The following VAV3 variants were observed in gnomAD, a reference collection of about 807,000 sequenced individuals.
The protein encoded by VAV3 is guanine nucleotide exchange factor VAV3.
In VAV3, 94 loss-of-function variants were observed where a neutral mutation model predicts 131.2. The ratio of observed to expected loss-of-function variants is 0.72; its 90% CI spans 0.61 to 0.85. VAV3 has a LOEUF of 0.85. Among genes scored for constraint, VAV3 ranks in the 40% least tolerant of loss-of-function variants. VAV3 has a pLI of 0.00. For synonymous variants in VAV3, 349 were observed against 342.0 expected, an observed-to-expected ratio of 1.02 and a Z score of -0.22; for missense variants, 939 against 1,002.7, an observed-to-expected ratio of 0.94 and a Z score of 0.86.
intron 1 of VAV3, among the ~76,000 whole-genome samples, chr1:107,932,757 A>C (rs1057158572): frequency 3.9e-5 from 6 of 152,212 alleles, no homozygotes; most frequent in Non-Finnish European, 8.8e-5. Flanking sequence ...GTTGTGATGG[A>C]AACAGACATT....
At chr1:107,615,282 G>A (rs1445826220) in intron 21 of VAV3, among the ~76,000 whole-genome samples, 3 of 152,272 alleles carry the variant, frequency 2.0e-5, no homozygotes, top group African/African-American at 7.2e-5. Context: ...CATGGATGGA[G>A]CTGCAGGCCA....
At chr1:107,886,112 A>G (rs1252021557) in intron 1 of VAV3, among the ~76,000 whole-genome samples, 1 of 152,244 alleles carries the variant, frequency 6.6e-6, no homozygotes, top group Non-Finnish European at 1.5e-5. Flanking sequence ...CAGGAATTCA[A>G]CTGGAAGTCA....
intron 1 of VAV3, among the ~76,000 whole-genome samples, chr1:107,893,022 C>T (rs1424898005): frequency 6.9e-6 from 1 of 145,028 alleles, no homozygotes; most frequent in Non-Finnish European, 1.5e-5. Flanking sequence ...AAGAGGTCAA[C>T]TAAAATCAGA....
chr1:107,904,154 T>C (rs1386279714), intron 1 of VAV3, among the ~76,000 whole-genome samples: 1 of 152,180 alleles, frequency 6.6e-6, no homozygotes, highest in East Asian at 1.9e-4. Flanking sequence ...GGCCACTACG[T>C]AGACACTGGC....
At chr1:107,871,877 T>C (rs1349608543) in intron 2 of VAV3, among the ~76,000 whole-genome samples, 2 of 152,126 alleles carry the variant, frequency 1.3e-5, no homozygotes, top group Non-Finnish European at 2.9e-5. Context: ...TGACTGCATG[T>C]GTACAATCAG....
At position 107,765,174 on chromosome 1, in the gene VAV3, A is replaced by G. The variant is rs898522184; in HGVS notation, c.823T>C (p.Leu275=). 4 of 1,610,332 alleles carry G rather than the reference A, an allele frequency of 2.5e-6. No individual in the cohort carries two copies. The highest frequency in any genetic ancestry group is 3.4e-6 in the Non-Finnish European group (4 of 1,177,236). Residue 275 remains leucine, a splice_region_variant and synonymous_variant, in exon 9 of 27, where the codon TTG becomes CTG. Transcript: ENST00000370056. ...CTGCAGTACTGCCCGTAAATAACCAATCTGAAAGGGAAAAAAGACAAGAAA... is the reference window on the plus strand; with the variant it reads ...CTGCAGTACTGCCCGTAAATAACCAGTCTGAAAGGGAAAAAAGACAAGAAA... The part of the protein sequence containing the change: ...YQVFINYKER[L]VIYGQYCSGV...
chr1:107,942,133 T>G (rs549095926), intron 1 of VAV3, among the ~76,000 whole-genome samples: 1 of 152,194 alleles, frequency 6.6e-6, no homozygotes, highest in Non-Finnish European at 1.5e-5. Context: ...AATTCTTCAG[T>G]ATGTTATGCT....
At chr1:107,922,825 G>A (rs1307114152) in intron 1 of VAV3, among the ~76,000 whole-genome samples, 18 of 151,922 alleles carry the variant, frequency 1.2e-4, no homozygotes, top group East Asian at 1.9e-4. Context: ...GGTGGCGGGC[G>A]CCTGTAGTCC....
chr1:107,809,697 A>G (rs74641750), intron 2 of VAV3, among the ~76,000 whole-genome samples: 1,765 of 152,352 alleles, frequency 0.012, 32 homozygotes, highest in African/African-American at 0.038. Flanking sequence ...CAAAGGCACT[A>G]CACTGTGCAA....
At chr1:107,621,951 C>A (rs1041365369) in intron 20 of VAV3, among the ~76,000 whole-genome samples, 2 of 152,036 alleles carry the variant, frequency 1.3e-5, no homozygotes, top group South Asian at 4.1e-4. Context: ...AAAATACATT[C>A]TTTGGAAAGC....
intron 20 of VAV3, among the ~76,000 whole-genome samples, chr1:107,627,130 T>C (rs962440674): frequency 6.6e-6 from 1 of 151,998 alleles, no homozygotes; most frequent in African/African-American, 2.4e-5. Context: ...GCTCAGAGGG[T>C]TTCTGGGTTG....
intron 20 of VAV3, among the ~76,000 whole-genome samples, chr1:107,636,617 T>C (rs1265950758): frequency 6.6e-6 from 1 of 152,182 alleles, no homozygotes; most frequent in Non-Finnish European, 1.5e-5. Context: ...AATAAAATAT[T>C]GAAAACTGAT....
chr1:107,758,664 G>A (rs746702873), intron 10 of VAV3, among the ~76,000 whole-genome samples: 38 of 152,026 alleles, frequency 2.5e-4, no homozygotes, highest in Non-Finnish European at 4.7e-4. Flanking sequence ...TTGTCATCAG[G>A]GGTAGGTTTC....
chr1:107,770,770 A>ATTT, intron 5 of VAV3, 42 bp from the exon 6 acceptor site: 1 of 1,501,490 alleles, frequency 6.7e-7, no homozygotes. Flanking sequence ...TAATAAAATC[A>ATTT]TATATTAACC....
intron 12 of VAV3, among the ~76,000 whole-genome samples, chr1:107,753,713 C>A (rs1240507770): frequency 1.3e-5 from 2 of 151,466 alleles, no homozygotes. Context: ...GCACGTGCCA[C>A]CATGCCTGGC....
intron 25 of VAV3, among the ~76,000 whole-genome samples, chr1:107,588,466 A>AAGTGGTAGCAGGAGCAGCAGT (rs1650679806): frequency 6.6e-6 from 1 of 152,216 alleles, no homozygotes. Flanking sequence ...CCAGTATTGG[A>AAGTGGTAGCAGGAGCAGCAGT]AGTGGTAGCA....
chr1:107,657,703 T>C (rs1018480621), intron 19 of VAV3, among the ~76,000 whole-genome samples: 7 of 152,158 alleles, frequency 4.6e-5, no homozygotes, highest in African/African-American at 1.4e-4. Flanking sequence ...CATGCAAAGA[T>C]TGTAGCAAAA....
chr1:107,937,428 T>A (rs553139075), intron 1 of VAV3, among the ~76,000 whole-genome samples: 16 of 152,220 alleles, frequency 1.1e-4, no homozygotes, highest in African/African-American at 3.9e-4. Flanking sequence ...AATACCAGTA[T>A]GTCATTTCCT....
chr1:107,902,952 GATT>G (rs1671936502), intron 1 of VAV3, among the ~76,000 whole-genome samples: 1 of 152,126 alleles, frequency 6.6e-6, no homozygotes, highest in Non-Finnish European at 1.5e-5. Flanking sequence ...AACATTGCTG[GATT>G]ATTAAACCAG....
Sources: gnomAD v4.1 joint callset for allele counts (sites outside exome capture counted in the v4.1 genomes callset) on GRCh38, gnomAD v4.1.1 for gene constraint, MANE v1.5 for transcripts, NCBI Gene and HGNC (gene_info 2026-07-23, HGNC 2026-07-21) for gene names.